NCOA3: variants seen among roughly 807,000 people sequenced by gnomAD.
The protein encoded by NCOA3 is nuclear receptor coactivator 3.
NCOA3 carries 51 observed loss-of-function variants against 158.8 expected under a neutral mutation model. The observed-to-expected ratio is 0.32, with a 90% CI of 0.26 to 0.41. The LOEUF (loss-of-function observed/expected upper bound fraction) is 0.41. Ranked by LOEUF, NCOA3 falls within the 10% of genes least tolerant of loss-of-function variation. The pLI is 1.00. For synonymous variants in NCOA3, 537 were observed against 592.4 expected, an observed-to-expected ratio of 0.91 and a Z score of 1.36; for missense variants, 1,510 against 1,746.6, an observed-to-expected ratio of 0.86 and a Z score of 2.41.
rs72645214 is a variant in NCOA3, at chr20:47,588,969, A to G, written c.-20+5708A>G. ...AGTGGTGCAATCTCAGCTCACTGCA[A>G]CCTCTGCCTCCCAGGTTCAAGAGAT... On this transcript the variant is annotated intron_variant, in intron 2 of 22. Coordinates refer to ENST00000371998, the MANE Select transcript of NCOA3 (RefSeq NM_181659.3). 1.1e-3 allele frequency among the ~76,000 whole-genome samples: 164 copies of G among 152,118 alleles called. 1 individual carries two copies. The highest frequency in any genetic ancestry group is 3.7e-3 in the African/African-American group (152 of 41,506).
At chr20:47,624,526 G>T (rs1449779501) in intron 4 of NCOA3, among the ~76,000 whole-genome samples, 1 of 152,148 alleles carries the variant, frequency 6.6e-6, no homozygotes, top group Admixed American at 6.5e-5. Flanking sequence ...ATGGGGAGGG[G>T]CTGTTGTTAA....
Position 47,637,671 on chromosome 20 carries a change from A to G in NCOA3, c.2400A>G (p.Leu800=). The stretch of plus-strand genomic sequence containing the variant: ...AGGGATCTGGAGACTTGGATAATCT[A>G]GATGCTATTCTTGGTGATCTGACTA... ...SEEGSGDLDN[L]DAILGDLTSS... is the part of the protein sequence containing the mutation. The change falls in exon 13 of 23, where the codon CTA becomes CTG. Residue 800 remains leucine (L), a synonymous_variant. Coordinates refer to ENST00000371998, the MANE Select transcript of NCOA3 (RefSeq NM_181659.3). 9 of 1,607,962 alleles carry G rather than the reference A, an allele frequency of 5.6e-6. No homozygotes were observed. The highest frequency in any genetic ancestry group is 7.6e-6 in the Non-Finnish European group (9 of 1,177,794).
chr20:47,652,852 A>G, intron 21 of NCOA3, 79 bp from the exon 22 acceptor site: 1 of 1,483,570 alleles, frequency 6.7e-7, no homozygotes, highest in Non-Finnish European at 9.3e-7. Context: ...GTTTGACACA[A>G]TTGTAGTAAT....
intron 1 of NCOA3, among the ~76,000 whole-genome samples, chr20:47,524,886 T>C (rs916948968): frequency 6.6e-6 from 1 of 152,184 alleles, no homozygotes. Context: ...TGTACTACCA[T>C]GTCCAGCTAA....
chr20:47,615,341 T>C (rs2086114660), intron 2 of NCOA3, among the ~76,000 whole-genome samples: 2 of 152,234 alleles, frequency 1.3e-5, no homozygotes, highest in Admixed American at 1.3e-4. Flanking sequence ...CTATAGCTTT[T>C]TTTAGGTCCC....
At chr20:47,512,289 G>C (rs1438311089) in intron 1 of NCOA3, among the ~76,000 whole-genome samples, 1 of 152,048 alleles carries the variant, frequency 6.6e-6, no homozygotes, top group Non-Finnish European at 1.5e-5. Context: ...AGGCAAAAGA[G>C]ACTGGACCCC....
intron 1 of NCOA3, among the ~76,000 whole-genome samples, chr20:47,573,545 T>C (rs2085327483): frequency 6.6e-6 from 1 of 152,134 alleles, no homozygotes; most frequent in African/African-American, 2.4e-5. Flanking sequence ...GTTGGAAAAT[T>C]GGCACCAGTA....
chr20:47,546,777 C>T (rs924641165), intron 1 of NCOA3, among the ~76,000 whole-genome samples: 5 of 152,062 alleles, frequency 3.3e-5, no homozygotes, highest in Admixed American at 6.6e-5. Flanking sequence ...GTGATCTTCC[C>T]GCCCTGGCCT....
At chr20:47,559,678 C>T (rs13041656) in intron 1 of NCOA3, among the ~76,000 whole-genome samples, 29 of 151,880 alleles carry the variant, frequency 1.9e-4, no homozygotes, top group Non-Finnish European at 3.7e-4. Context: ...GTCAGGAGTT[C>T]GAGACCAGTC....
At chr20:47,585,192 C>T (rs1263823741) in intron 2 of NCOA3, among the ~76,000 whole-genome samples, 2 of 151,528 alleles carry the variant, frequency 1.3e-5, no homozygotes, top group Non-Finnish European at 2.9e-5. Context: ...GCTGGGATTA[C>T]AGGCGTGCAC....
chr20:47,532,152 G>A (rs888887316), intron 1 of NCOA3, among the ~76,000 whole-genome samples: 29 of 147,074 alleles, frequency 2.0e-4, no homozygotes, highest in Admixed American at 4.0e-4. Flanking sequence ...CAGGGTTTAC[G>A]TTTTAGATAT....
Position 47,634,092 on chromosome 20 carries a change from T to C in NCOA3, c.1009T>C (p.Leu337=), listed in dbSNP as rs2086467156. 3 of 1,614,130 alleles carry C rather than the reference T, an allele frequency of 1.9e-6. No individual in the cohort carries two copies. In the South Asian group the frequency reaches 3.3e-5, roughly 18 times the overall value. ...AGAAACCCCAGTATATCGATTCTCG[T>C]TGGCTGATGGAACTATAGTGACTGC... ...HAETPVYRFS[L]ADGTIVTAQT... Residue 337 remains leucine, a synonymous_variant, in exon 10 of 23, where the codon TTG becomes CTG. Coordinates refer to ENST00000371998, the MANE Select transcript of NCOA3 (RefSeq NM_181659.3).
chr20:47,633,771 C>T, intron 9 of NCOA3, 135 bp downstream of exon 9: 1 of 980,212 alleles, frequency 1.0e-6, no homozygotes, highest in Non-Finnish European at 1.5e-6. Context: ...GCCAAGACTG[C>T]AGGTGCACAC....
chr20:47,562,490 G>A (rs1238389783), intron 1 of NCOA3, among the ~76,000 whole-genome samples: 1 of 151,762 alleles, frequency 6.6e-6, no homozygotes, highest in Non-Finnish European at 1.5e-5. Context: ...GACGTGTGAT[G>A]TGGATCATCT....
intron 1 of NCOA3, among the ~76,000 whole-genome samples, chr20:47,582,437 T>C (rs1419207302): frequency 2.0e-5 from 3 of 152,196 alleles, no homozygotes; most frequent in African/African-American, 7.2e-5. Flanking sequence ...GGTCTCAAAC[T>C]CCTGACCTCA....
intron 1 of NCOA3, among the ~76,000 whole-genome samples, chr20:47,571,306 ATTTTC>A (rs1010966082): frequency 4.8e-5 from 7 of 146,832 alleles, no homozygotes; most frequent in Non-Finnish European, 9.0e-5. Flanking sequence ...TGCCCGGCTA[ATTTTC>A]TTTTCTTTCT....
At chr20:47,616,831 A>G (rs566851823) in intron 2 of NCOA3, among the ~76,000 whole-genome samples, 26 of 152,334 alleles carry the variant, frequency 1.7e-4, no homozygotes, top group Non-Finnish European at 1.5e-4. Context: ...TGTATGATGT[A>G]ACTTCAGGAG....
intron 20 of NCOA3, 82 bp from the exon 21 acceptor site, chr20:47,652,324 A>G: frequency 7.3e-7 from 1 of 1,364,208 alleles, no homozygotes; most frequent in East Asian, 2.3e-5. Flanking sequence ...CTTTAAAAAA[A>G]AAACAAAATT....
chr20:47,502,774 A>G (rs1382656155), intron 1 of NCOA3, among the ~76,000 whole-genome samples: 1 of 151,468 alleles, frequency 6.6e-6, no homozygotes, highest in Non-Finnish European at 1.5e-5. Flanking sequence ...GTTTAAATAA[A>G]CTGCTTGTCT....
Sources: gnomAD v4.1 joint callset for allele counts (sites outside exome capture counted in the v4.1 genomes callset) on GRCh38, gnomAD v4.1.1 for gene constraint, MANE v1.5 for transcripts, NCBI Gene and HGNC (gene_info 2026-07-23, HGNC 2026-07-21) for gene names.